NLRP1: variants seen among roughly 807,000 people sequenced by gnomAD.
NLRP1 encodes NACHT, LRR and PYD domains-containing protein 1.
Under a neutral mutation model 136.7 loss-of-function variants are expected in NLRP1, and 94 were observed. That is an observed-to-expected ratio of 0.69 (90% CI 0.58 to 0.82). The LOEUF is 0.82. Among genes scored for constraint, NLRP1 ranks in the 40% least tolerant of loss-of-function variants. NLRP1 has a pLI of 0.00. For missense variants in NLRP1, 1,575 were observed against 1,802.7 expected (o/e 0.87, Z 2.29); for synonymous variants, 690 against 725.1 (o/e 0.95, Z 0.78).
Position 5,533,962 on chromosome 17 carries a change from T to A in NLRP1, c.2987A>T (p.Glu996Val). Residue 996 changes from glutamate (E) to valine (V), a missense_variant, in exon 9 of 17, where the codon GAG becomes GTG. Glu to Val is a moderately radical substitution (Grantham distance 121). Coordinates refer to ENST00000572272, the MANE Select transcript of NLRP1 (RefSeq NM_033004.4). Reference protein sequence around the residue: ...RRKPSVMTPTEGLDTGEMSNS... With the variant: ...RRKPSVMTPTVGLDTGEMSNS... ...ACTCATCTCTCCCGTATCCAGGCCC[T>A]CAGTAGGGGTCATCACACTTGGTTT... The A allele has an allele frequency of 1.2e-6, 2 of 1,612,724 alleles. No individual in the cohort carries two copies. The highest frequency in any genetic ancestry group is 1.7e-6 in the Non-Finnish European group (2 of 1,178,838).
At chr17:5,534,468 T>A (rs905739628) in intron 8 of NLRP1, among the ~76,000 whole-genome samples, 1 of 152,174 alleles carries the variant, frequency 6.6e-6, no homozygotes, top group Non-Finnish European at 1.5e-5. Flanking sequence ...CATCCACCCA[T>A]GCATCCAGGC....
At chr17:5,557,322 T>C (rs1914206716) in intron 4 of NLRP1, among the ~76,000 whole-genome samples, 1 of 152,172 alleles carries the variant, frequency 6.6e-6, no homozygotes, top group Non-Finnish European at 1.5e-5. Context: ...CTTTTTTTTT[T>C]TCCTATAATG....
In NLRP1 at chr17:5,559,643, C is replaced by G. The variant is rs199927877; in HGVS notation, c.1053G>C (p.Trp351Cys). 11 of 1,614,136 alleles carry G rather than the reference C, an allele frequency of 6.8e-6. No homozygotes were observed. Among genetic ancestry groups the G allele is most frequent in the Non-Finnish European group, 8.5e-6 (10 of 1,180,048 alleles). Residue 351 changes from tryptophan to cysteine, a missense_variant, in exon 4 of 17, where the codon TGG (tryptophan) becomes TGC (cysteine). Transcript: ENST00000572272. The part of the protein sequence containing the change: ...STLARQVKEA[W>C]GRGQLYGDRF... ...GGTCCCCATACAGCTGGCCTCTCCC[C>G]CAGGCTTCCTTCACCTGCCTGGCCA...
chr17:5,543,736 G>T (rs1466373682), intron 5 of NLRP1, among the ~76,000 whole-genome samples: 1 of 152,022 alleles, frequency 6.6e-6, no homozygotes, highest in Non-Finnish European at 1.5e-5. Flanking sequence ...AGGGGTCTGT[G>T]GGGGAGGATG....
intron 11 of NLRP1, among the ~76,000 whole-genome samples, chr17:5,531,577 C>CAGA (rs1160636686): frequency 6.6e-6 from 1 of 152,128 alleles, no homozygotes; most frequent in Non-Finnish European, 1.5e-5. Flanking sequence ...TTATAGAGAT[C>CAGA]AGAAGTGATT....
At chr17:5,526,339 C>T (rs768360026) in intron 12 of NLRP1, among the ~76,000 whole-genome samples, 6 of 152,080 alleles carry the variant, frequency 3.9e-5, no homozygotes, top group East Asian at 1.9e-4. Flanking sequence ...TATTGTTATA[C>T]GATTCAGTAA....
chr17:5,573,523 GTGGGT>G (rs2151820995), intron 3 of NLRP1, among the ~76,000 whole-genome samples: 1 of 152,312 alleles, frequency 6.6e-6, no homozygotes, highest in Admixed American at 6.5e-5. Flanking sequence ...GCCTCCTCAG[GTGGGT>G]CCCTGACCCC....
intron 2 of NLRP1, among the ~76,000 whole-genome samples, chr17:5,582,426 T>G (rs1905776806): frequency 6.6e-6 from 1 of 152,128 alleles, no homozygotes; most frequent in Non-Finnish European, 1.5e-5. Flanking sequence ...GAAGACTCAT[T>G]GCCTGACCCA....
At chr17:5,581,358 G>A (rs1428959429) in intron 3 of NLRP1, among the ~76,000 whole-genome samples, 2 of 152,148 alleles carry the variant, frequency 1.3e-5, no homozygotes, top group African/African-American at 4.8e-5. Context: ...TTTAATCCTT[G>A]GTTTTCTCAT....
At position 5,559,029 on chromosome 17, in the gene NLRP1, G is replaced by T. The variant is rs762970976; in HGVS notation, c.1667C>A (p.Ala556Asp). ...CAATGGCTGAGCTTGGAGAGCCTGGGCAAGGTAATGTAGACAGAGGGTTGT... is the reference window on the plus strand; with the variant it reads ...CAATGGCTGAGCTTGGAGAGCCTGGTCAAGGTAATGTAGACAGAGGGTTGT... ...TTTTLCLHYL[A>D]QALQAQPLGP... is the part of the protein sequence containing the mutation. Residue 556 changes from alanine to aspartate, a missense_variant, in exon 4 of 17, where the codon GCC (alanine) becomes GAC (aspartate). By Grantham distance (126) the Ala-to-Asp change is moderately radical. Transcript: ENST00000572272. 12 of 1,614,030 alleles carry T rather than the reference G, an allele frequency of 7.4e-6. No individual in the cohort carries two copies. In the African/African-American group the frequency reaches 1.6e-4, roughly 22 times the overall value.
At chr17:5,554,477 C>T (rs1001833684) in intron 4 of NLRP1, among the ~76,000 whole-genome samples, 3 of 152,100 alleles carry the variant, frequency 2.0e-5, no homozygotes, top group Admixed American at 2.0e-4. Context: ...CCAACAAGTC[C>T]CCAACCTGAA....
At chr17:5,546,543 C>A (rs16954851) in intron 5 of NLRP1, among the ~76,000 whole-genome samples, 1 of 152,056 alleles carries the variant, frequency 6.6e-6, no homozygotes, top group Admixed American at 6.6e-5. Context: ...CCTTTGTCTG[C>A]GTAATGTGCT....
Position 5,536,918 on chromosome 17 carries a change from C to T in NLRP1, c.2893G>A (p.Asp965Asn). 1 of 1,613,644 alleles carries T rather than the reference C, an allele frequency of 6.2e-7. No homozygotes were observed. The highest frequency in any genetic ancestry group is 1.1e-5 in the South Asian group (1 of 91,064). Residue 965 changes from aspartate (D) to asparagine (N), a missense_variant, in exon 8 of 17, where the codon GAT (aspartate) becomes AAT (asparagine). Asp to Asn is a conservative substitution (Grantham distance 23). Transcript: ENST00000572272. ...GCCCTCAGTTCCTGCCTCATCTCAT[C>T]ACTCAGAGTTGTCTGGTCCAGCCTG... Reference protein sequence around the residue: ...RLGLDQTTLSDEMRQELRALE... With the variant: ...RLGLDQTTLSNEMRQELRALE...
At chr17:5,530,356 C>G in intron 12 of NLRP1, 125 bp downstream of exon 12, 2 of 766,446 alleles carry the variant, frequency 2.6e-6, no homozygotes, top group South Asian at 1.7e-5. Flanking sequence ...GTCCCCATCT[C>G]CATAACCCCC....
In NLRP1 at chr17:5,558,930, T is replaced by C; in HGVS notation, c.1766A>G (p.Asp589Gly). ...IWQKKTLFSPDDLRKHGLDGA... is the reference protein window; with the variant it reads ...IWQKKTLFSPGDLRKHGLDGA... ...ATCTAACCCATGCTTCCTGAGGTCA[T>C]CTGGACTGAAAAGGGTCTTTTTTTG... The change falls in exon 4 of 17, where the codon GAT becomes GGT. Residue 589 changes from aspartate (D) to glycine (G), a missense_variant. Asp to Gly is a moderately conservative substitution (Grantham distance 94, BLOSUM62 -1). Transcript: ENST00000572272. 3 of 1,614,178 alleles carry C rather than the reference T, an allele frequency of 1.9e-6. No individual in the cohort carries two copies. The highest frequency in any genetic ancestry group is 2.5e-6 in the Non-Finnish European group (3 of 1,180,014).
In NLRP1 at chr17:5,583,949, G is replaced by A. The variant is rs141222560; in HGVS notation, c.9C>T (p.Gly3=). The change falls in exon 1 of 17, where the codon GGC becomes GGT. Residue 3 remains glycine, a synonymous_variant. Coordinates refer to ENST00000572272, the MANE Select transcript of NLRP1 (RefSeq NM_033004.4). This position sits in a 1 kb window ranked among gnomAD's most constrained non-coding sequence, Gnocchi z 4.5. ...AACAGGCCAGGCGGCCCCAGGCTCC[G>A]CCAGCCATCTCTGTCCCGGAGTTAA... is the stretch of plus-strand genomic sequence containing the variant. MA[G]GAWGRLACYL... 77 of 1,608,702 alleles carry A rather than the reference G, an allele frequency of 4.8e-5. No individual in the cohort carries two copies. Among genetic ancestry groups the A allele is most frequent in the African/African-American group, 8.0e-5 (6 of 74,844 alleles).
rs201740123 is a variant in NLRP1, at chr17:5,558,496, C to T, written c.2200G>A (p.Val734Met). 6.2e-7 allele frequency: 1 copy of T among 1,614,098 alleles called. No individual in the cohort carries two copies. The highest frequency in any genetic ancestry group is 8.5e-7 in the Non-Finnish European group (1 of 1,180,014). Residue 734 changes from valine to methionine, a missense_variant, in exon 4 of 17, where the codon GTG (valine) becomes ATG (methionine). Coordinates refer to ENST00000572272, the MANE Select transcript of NLRP1 (RefSeq NM_033004.4). ...ETRNKTFLTQ[V>M]MAHFEEMGMC... ...CCCATTTCTTCGAAATGGGCCATCA[C>T]TTGTGTCAGGAACGTTTTGTTCCGA...
intron 3 of NLRP1, among the ~76,000 whole-genome samples, chr17:5,568,990 G>A (rs923067996): frequency 1.3e-5 from 2 of 152,012 alleles, no homozygotes; most frequent in Non-Finnish European, 2.9e-5. Context: ...CACTATGACT[G>A]TGCTCCAACC....
chr17:5,536,926 GTT>G lies in NLRP1; in HGVS notation c.2883_2884del (p.Thr962SerfsTer3). The stretch of plus-strand genomic sequence containing the variant: ...TTCCTGCCTCATCTCATCACTCAGA[GTT>G]GTCTGGTCCAGCCTGAAAGCACAAA... On this transcript the variant is annotated frameshift_variant, in exon 8 of 17. Coordinates refer to ENST00000572272, the MANE Select transcript of NLRP1 (RefSeq NM_033004.4). LOFTEE classifies it high-confidence loss of function. 3 of 1,613,410 alleles carry G rather than the reference GTT, an allele frequency of 1.9e-6. No homozygotes were observed. Among genetic ancestry groups the G allele is most frequent in the Non-Finnish European group, 2.5e-6 (3 of 1,179,348 alleles).
Sources: allele counts gnomAD v4.1 joint callset (sites outside exome capture counted in the v4.1 genomes callset), GRCh38; gene constraint gnomAD v4.1.1; non-coding constraint Gnocchi (gnomAD v3.1); transcripts MANE v1.5; gene names NCBI Gene and HGNC (gene_info 2026-07-23, HGNC 2026-07-21).